The following PPP2R2C variants were observed in gnomAD, a reference collection of about 807,000 sequenced individuals.
PPP2R2C encodes protein phosphatase 2 regulatory subunit Bgamma, also known as protein phosphatase 2, regulatory subunit B, gamma.
In PPP2R2C, 10 loss-of-function variants were observed where a neutral mutation model predicts 45.3. That is an observed-to-expected ratio of 0.22 (90% CI 0.14 to 0.37). The LOEUF (loss-of-function observed/expected upper bound fraction) is 0.37, where lower values mean the gene tolerates loss of function less well. Ranked by LOEUF, PPP2R2C falls within the 10% of genes least tolerant of loss-of-function variation. The pLI is 1.00. For synonymous variants in PPP2R2C, 257 were observed against 245.4 expected (o/e 1.05, Z -0.44); for missense variants, 308 against 619.7 (o/e 0.50, Z 5.34).
chr4:6,518,241 G>C (rs945619041), intron 2 of PPP2R2C, among the ~76,000 whole-genome samples: 3 of 152,032 alleles, frequency 2.0e-5, no homozygotes, highest in African/African-American at 7.2e-5. Flanking sequence ...TCCACTTCAG[G>C]AAACTAGGAA....
intron 1 of PPP2R2C, among the ~76,000 whole-genome samples, chr4:6,427,221 A>G (rs1393806991): frequency 6.6e-6 from 1 of 152,220 alleles, no homozygotes; most frequent in African/African-American, 2.4e-5. Context: ...TCTGGTACAC[A>G]GTAGCTACTC....
rs962187342 is a variant in PPP2R2C at position 6,471,952 on chromosome 4, C to T, written c.70+208G>A. On this transcript the variant is annotated intron_variant, in intron 1 of 8. Transcript: ENST00000382599. The surrounding 1 kb of genome is among the most constrained non-coding windows in gnomAD (Gnocchi z 5.6). ...GCTGCCCTGTGCCGGCGCTGGGCAG[C>T]GGAGGCCGGTACCCTCGGGCTCCCT... Among the ~76,000 whole-genome samples the T allele has an allele frequency of 4.7e-5, 7 of 148,762 alleles. No homozygotes were observed. The highest frequency in any genetic ancestry group is 4.7e-4 in the Admixed American group (7 of 15,014).
chr4:6,425,541 TGTTCCCCTCA>T (rs1719237868), intron 1 of PPP2R2C, among the ~76,000 whole-genome samples: 1 of 152,188 alleles, frequency 6.6e-6, no homozygotes, highest in Non-Finnish European at 1.5e-5. Flanking sequence ...AGAGGCTGTG[TGTTCCCCTCA>T]GCCTCCCCCA....
At chr4:6,373,255 C>T (rs1715007678) in intron 4 of PPP2R2C, among the ~76,000 whole-genome samples, 1 of 152,208 alleles carries the variant, frequency 6.6e-6, no homozygotes, top group Non-Finnish European at 1.5e-5. Context: ...AAGGATCCTG[C>T]AGGAGAGCTG....
At chr4:6,551,921 A>G (rs1560618299) in intron 1 of PPP2R2C, among the ~76,000 whole-genome samples, 1 of 152,228 alleles carries the variant, frequency 6.6e-6, no homozygotes, top group East Asian at 1.9e-4. Context: ...GGCCATTCTC[A>G]GCTGGCACAT....
chr4:6,519,275 G>GC (rs1480202888), intron 2 of PPP2R2C, among the ~76,000 whole-genome samples: 1 of 152,140 alleles, frequency 6.6e-6, no homozygotes, highest in East Asian at 1.9e-4. Context: ...TCATATGAGA[G>GC]CCCCCACGGC....
chr4:6,432,441 C>T (rs1483076648), intron 1 of PPP2R2C, among the ~76,000 whole-genome samples: 1 of 152,190 alleles, frequency 6.6e-6, no homozygotes, highest in Admixed American at 6.5e-5. Flanking sequence ...GGACCCAGCG[C>T]CTGCTGCCTC....
intron 1 of PPP2R2C, among the ~76,000 whole-genome samples, chr4:6,470,022 A>G (rs924635618): frequency 1.3e-5 from 2 of 152,226 alleles, no homozygotes; most frequent in Non-Finnish European, 2.9e-5. Context: ...AGCACACAGC[A>G]GGTGCTCAGC....
At chr4:6,460,868 A>G (rs1487143009) in intron 1 of PPP2R2C, among the ~76,000 whole-genome samples, 4 of 152,158 alleles carry the variant, frequency 2.6e-5, no homozygotes, top group Admixed American at 1.3e-4. Context: ...ATAGGATACA[A>G]TCCAAACTCC....
At chr4:6,473,507 C>A (rs62284533), upstream of PPP2R2C, among the ~76,000 whole-genome samples, 2 of 152,234 alleles carry the variant, frequency 1.3e-5, no homozygotes, top group East Asian at 3.9e-4. Flanking sequence ...AACCATCAGC[C>A]CTCCCTAGGA....
chr4:6,347,526 C>G (rs971575349), intron 6 of PPP2R2C, among the ~76,000 whole-genome samples: 1 of 152,104 alleles, frequency 6.6e-6, no homozygotes, highest in Non-Finnish European at 1.5e-5. Context: ...AAGTAGGAGG[C>G]CGGGAAGCTT....
At chr4:6,372,440 G>A in intron 5 of PPP2R2C, 83 bp downstream of exon 5, 1 of 1,452,756 alleles carries the variant, frequency 6.9e-7, no homozygotes, top group Non-Finnish European at 9.5e-7. Context: ...CAAACCAGCT[G>A]TCTGCCAATC....
At chr4:6,401,486 G>C (rs1336025994) in intron 1 of PPP2R2C, among the ~76,000 whole-genome samples, 1 of 151,920 alleles carries the variant, frequency 6.6e-6, no homozygotes, top group Non-Finnish European at 1.5e-5. Flanking sequence ...GTTTCCAGAT[G>C]AACAAGATGC....
intron 2 of PPP2R2C, among the ~76,000 whole-genome samples, chr4:6,480,426 C>T (rs972134022): frequency 1.3e-5 from 2 of 152,196 alleles, no homozygotes; most frequent in African/African-American, 2.4e-5. Context: ...GGTAGCTAGA[C>T]ATCAGCCATG....
intron 2 of PPP2R2C, among the ~76,000 whole-genome samples, chr4:6,524,966 A>C (rs1724148858): frequency 6.6e-6 from 1 of 152,040 alleles, no homozygotes; most frequent in Non-Finnish European, 1.5e-5. Context: ...AGCATTTTAA[A>C]ATTAGCTACT....
chr4:6,348,526 C>T (rs549655487), intron 5 of PPP2R2C: 2 of 548,138 alleles, frequency 3.6e-6, no homozygotes, highest in African/African-American at 2.1e-5. Context: ...GCCCCCGGCA[C>T]CTGCTCCCCT....
At chr4:6,506,053 G>A (rs146183592) in intron 2 of PPP2R2C, among the ~76,000 whole-genome samples, 201 of 152,202 alleles carry the variant, frequency 1.3e-3, no homozygotes, top group African/African-American at 4.6e-3. Flanking sequence ...AATTTCATAG[G>A]CATGCTGGGC....
At chr4:6,545,456 CTCAGGTG>C (rs1724946391) in intron 1 of PPP2R2C, among the ~76,000 whole-genome samples, 1 of 152,186 alleles carries the variant, frequency 6.6e-6, no homozygotes, top group Non-Finnish European at 1.5e-5. Context: ...TGTCTTAAGT[CTCAGGTG>C]TCATAAAGCC....
rs2109236597 is a variant in PPP2R2C, at chr4:6,351,850, G to C, written c.626-3840C>G. On this transcript the variant is annotated intron_variant, in intron 5 of 8. Coordinates refer to ENST00000382599, the MANE Select transcript of PPP2R2C (RefSeq NM_020416.4). ...ACCGGGCTGGGTCCATGGTCACCTG[G>C]TCCGTGCGACCGCCTCTCCAAGACC... 2.0e-5 allele frequency among the ~76,000 whole-genome samples: 3 copies of C among 152,294 alleles called. No individual in the cohort carries two copies. In the Middle Eastern group the frequency reaches 0.01, roughly 518 times the overall value.
Sources: gnomAD v4.1 joint callset for allele counts (sites outside exome capture counted in the v4.1 genomes callset) on GRCh38, gnomAD v4.1.1 for gene constraint, Gnocchi (gnomAD v3.1) non-coding constraint, MANE v1.5 for transcripts, NCBI Gene and HGNC (gene_info 2026-07-23, HGNC 2026-07-21) for gene names.